The following UBAC2 variants were observed in gnomAD, a reference collection of about 807,000 sequenced individuals.
UBAC2 encodes the protein ubiquitin-associated domain-containing protein 2.
UBAC2 carries 26 observed loss-of-function variants against 44.0 expected under a neutral mutation model. The observed-to-expected ratio is 0.59, with a 90% confidence interval of 0.43 to 0.82. The LOEUF (loss-of-function observed/expected upper bound fraction) is 0.82. Ranked by LOEUF, UBAC2 falls within the 40% of genes least tolerant of loss-of-function variation. The pLI, the probability that UBAC2 is intolerant of heterozygous loss-of-function variation, is 0.00. For missense variants in UBAC2, 329 were observed against 419.4 expected (o/e 0.78, Z 1.88); for synonymous variants, 155 against 154.3 (o/e 1.00, Z -0.04).
intron 4 of UBAC2, among the ~76,000 whole-genome samples, chr13:99,276,704 T>G (rs1175395758): frequency 6.6e-6 from 1 of 152,236 alleles, no homozygotes; most frequent in Non-Finnish European, 1.5e-5. Context: ...TTGGTCTTCC[T>G]GCTGGTCGGC....
At chr13:99,323,831 A>G (rs2044601589) in intron 6 of UBAC2, among the ~76,000 whole-genome samples, 1 of 152,230 alleles carries the variant, frequency 6.6e-6, no homozygotes, top group African/African-American at 2.4e-5. Context: ...TTGTTAACAC[A>G]GGGAGGTAGC....
intron 4 of UBAC2, among the ~76,000 whole-genome samples, chr13:99,276,592 T>C (rs992594554): frequency 2.6e-5 from 4 of 152,172 alleles, no homozygotes; most frequent in African/African-American, 9.7e-5. Flanking sequence ...CCAGAAGCTG[T>C]CTGAATTTCA....
At chr13:99,240,951 CTG>C (rs2043292147) in intron 2 of UBAC2, among the ~76,000 whole-genome samples, 1 of 152,186 alleles carries the variant, frequency 6.6e-6, no homozygotes, top group Non-Finnish European at 1.5e-5. Context: ...TTTAGTTTCT[CTG>C]TGCCTCTTTT....
At chr13:99,377,555 G>A (rs2045497451) in intron 8 of UBAC2, 1 of 152,178 alleles carries the variant, frequency 6.6e-6, no homozygotes, top group Admixed American at 6.5e-5. Context: ...GGAGAGAGAT[G>A]GGCTGACCAT....
intron 4 of UBAC2, among the ~76,000 whole-genome samples, chr13:99,274,449 C>T (rs898580816): frequency 6.6e-6 from 1 of 151,486 alleles, no homozygotes; most frequent in Non-Finnish European, 1.5e-5. Context: ...CTCAGCCTCC[C>T]CAGTAGCTGA....
At chr13:99,308,110 A>G (rs897575826) in intron 4 of UBAC2, 2 of 152,248 alleles carry the variant, frequency 1.3e-5, no homozygotes, top group Non-Finnish European at 2.9e-5. Flanking sequence ...GTTTAAACCA[A>G]CTAACGTGTC....
At chr13:99,292,720 T>TTG (rs1177646886) in intron 4 of UBAC2, among the ~76,000 whole-genome samples, 7 of 151,182 alleles carry the variant, frequency 4.6e-5, no homozygotes, top group African/African-American at 7.3e-5. Context: ...CTTTGAGGGT[T>TTG]TTTTTTTTTA....
rs79145601 is a variant in UBAC2, at chr13:99,327,400, A to G, written c.561+9331A>G. 7.5e-3 allele frequency among the ~76,000 whole-genome samples: 1,137 copies of G among 152,232 alleles called. 11 individuals are homozygous for G. The highest frequency in any genetic ancestry group is 0.012 in the Non-Finnish European group (787 of 68,006). ...CCATGGGTCTTCACATTGTCTTTTT[A>G]TCAGGAAATTAAAATTTTTTCATCA... is the stretch of plus-strand genomic sequence containing the variant. On this transcript the variant is annotated intron_variant, in intron 6 of 8. Coordinates refer to ENST00000403766, the MANE Select transcript of UBAC2 (RefSeq NM_001144072.2).
chr13:99,283,871 A>G (rs958189838), intron 4 of UBAC2, among the ~76,000 whole-genome samples: 6 of 151,760 alleles, frequency 4.0e-5, no homozygotes, highest in Non-Finnish European at 7.4e-5. Flanking sequence ...AGTAGCTGAA[A>G]TTACAGGCGT....
chr13:99,318,692 G>A (rs7330664), intron 6 of UBAC2, among the ~76,000 whole-genome samples: 2,223 of 151,326 alleles, frequency 0.015, 59 homozygotes, highest in African/African-American at 0.051. Flanking sequence ...GTGGTGGCAG[G>A]CGCCTGTAGT....
At chr13:99,272,924 G>A (rs369028428) in intron 4 of UBAC2, among the ~76,000 whole-genome samples, 4 of 151,742 alleles carry the variant, frequency 2.6e-5, no homozygotes, top group South Asian at 2.1e-4. Flanking sequence ...CCATTGGTCC[G>A]TGTGTCTGTT....
chr13:99,208,731 G>A (rs1256983222), intron 1 of UBAC2, among the ~76,000 whole-genome samples: 1 of 152,156 alleles, frequency 6.6e-6, no homozygotes, highest in Non-Finnish European at 1.5e-5. Context: ...GGATTGAGTG[G>A]AATAGGAGGA....
At chr13:99,308,643 G>C (rs570887296) in intron 4 of UBAC2, 1 of 152,302 alleles carries the variant, frequency 6.6e-6, no homozygotes, top group East Asian at 1.9e-4. Context: ...TCTGCTCCAG[G>C]ATTCTGTAAA....
intron 4 of UBAC2, among the ~76,000 whole-genome samples, chr13:99,270,803 A>T (rs1409363290): frequency 6.6e-6 from 1 of 152,216 alleles, no homozygotes; most frequent in Non-Finnish European, 1.5e-5. Context: ...GAGGAAGTCA[A>T]TTTCAGTCAT....
chr13:99,338,349 C>G (rs989514869), intron 6 of UBAC2, among the ~76,000 whole-genome samples: 1 of 152,062 alleles, frequency 6.6e-6, no homozygotes, highest in Admixed American at 6.5e-5. Flanking sequence ...TGAGCCACTG[C>G]GCCCAACCTT....
intron 4 of UBAC2, among the ~76,000 whole-genome samples, chr13:99,268,433 C>G (rs2043771240): frequency 6.6e-6 from 1 of 151,776 alleles, no homozygotes; most frequent in African/African-American, 2.4e-5. Context: ...ATAGCAAAAC[C>G]TTGTGTTTAC....
chr13:99,226,472 C>T (rs1275599374), intron 1 of UBAC2, among the ~76,000 whole-genome samples: 1 of 152,160 alleles, frequency 6.6e-6, no homozygotes, highest in Non-Finnish European at 1.5e-5. Flanking sequence ...TCCCTAACAG[C>T]CTTCTAACTG....
chr13:99,328,753 A>G (rs1233366114), intron 6 of UBAC2, among the ~76,000 whole-genome samples: 2 of 152,226 alleles, frequency 1.3e-5, no homozygotes, highest in East Asian at 3.8e-4. Context: ...TTTGTTGGAC[A>G]TGTTTTATGA....
intron 7 of UBAC2, among the ~76,000 whole-genome samples, chr13:99,353,065 T>C (rs983548381): frequency 4.6e-5 from 7 of 152,370 alleles, no homozygotes; most frequent in Admixed American, 1.3e-4. Context: ...CAATTTGATT[T>C]GAAAACGATT....
Sources: allele counts gnomAD v4.1 joint callset (sites outside exome capture counted in the v4.1 genomes callset), GRCh38; gene constraint gnomAD v4.1.1; transcripts MANE v1.5; gene names NCBI Gene and HGNC (gene_info 2026-07-23, HGNC 2026-07-21).